EXD3: variants seen among roughly 807,000 people sequenced by gnomAD.
EXD3 encodes the protein exonuclease mut-7 homolog.
A neutral mutation model predicts 98.0 loss-of-function variants in EXD3; 92 were observed. The ratio of observed to expected loss-of-function variants is 0.94; its 90% CI spans 0.79 to 1.12. The LOEUF is 1.12. Among genes scored for constraint, EXD3 ranks in the 50% most tolerant of loss-of-function variants. The pLI is 0.00. For missense variants in EXD3, 1,222 were observed against 1,191.6 expected (o/e 1.03, Z -0.38); for synonymous variants, 569 against 526.0 (o/e 1.08, Z -1.12).
In EXD3 at chr9:137,373,631, G is replaced by C. The variant is rs779820905; in HGVS notation, c.121-32C>G. On this transcript the variant is annotated intron_variant, in intron 3 of 21. Transcript: ENST00000340951. ...AGACACAAAACCACACTGGCACTTTGTCTTGCACTCAAAGCCTCCTGGCAA... is the reference window on the plus strand; with the variant it reads ...AGACACAAAACCACACTGGCACTTTCTCTTGCACTCAAAGCCTCCTGGCAA... 72 of 1,564,286 alleles carry C rather than the reference G, an allele frequency of 4.6e-5. No homozygotes were observed. In the African/African-American group the frequency reaches 8.3e-4, roughly 18 times the overall value.
chr9:137,410,702 G>A (rs765714714), intron 1 of EXD3, among the ~76,000 whole-genome samples: 4 of 152,262 alleles, frequency 2.6e-5, no homozygotes, highest in African/African-American at 7.2e-5. Flanking sequence ...ACTGCACAAC[G>A]AGGAAGCCCC....
chr9:137,394,921 A>T (rs1837129672), intron 2 of EXD3, among the ~76,000 whole-genome samples: 1 of 152,040 alleles, frequency 6.6e-6, no homozygotes, highest in South Asian at 2.1e-4. Context: ...GGCGGCGCTA[A>T]GCCCCCAAGG....
intron 3 of EXD3, among the ~76,000 whole-genome samples, chr9:137,382,844 C>T (rs1221455120): frequency 1.3e-5 from 2 of 152,182 alleles, no homozygotes; most frequent in African/African-American, 4.8e-5. Flanking sequence ...TCTGCCCCCA[C>T]AGGGGGCCGG....
At chr9:137,309,570 GCCCCCCAGA>G in intron 20 of EXD3, 28 bp downstream of exon 20, 1 of 1,518,684 alleles carries the variant, frequency 6.6e-7, no homozygotes, top group South Asian at 1.2e-5. Flanking sequence ...CCCATCCCAG[GCCCCCCAGA>G]CCCAGTGCCT....
rs1265028199 is a variant in EXD3, at chr9:137,395,331, G to T, written c.27C>A (p.Asp9Glu). 2.5e-6 allele frequency: 4 copies of T among 1,613,338 alleles called. No homozygotes were observed. The highest frequency in any genetic ancestry group is 2.2e-5 in the East Asian group (1 of 44,876). The change falls in exon 2 of 22, where the codon GAC (aspartate) becomes GAA (glutamate). Residue 9 changes from aspartate to glutamate, a missense_variant. Asp to Glu is a conservative substitution (Grantham distance 45). Transcript: ENST00000340951. This position sits in a 1 kb window ranked among gnomAD's most constrained non-coding sequence, Gnocchi z 6.5. ...TGCGGTGGCGCTCGCCAGCGGCAGGGTCACCAGCGGGATCTCCTGGGTCCA... is the reference window on the plus strand; with the variant it reads ...TGCGGTGGCGCTCGCCAGCGGCAGGTTCACCAGCGGGATCTCCTGGGTCCA... MDPGDPAG[D>E]PAAGERHRMG...
chr9:137,348,426 G>A (rs1226912169), intron 16 of EXD3, among the ~76,000 whole-genome samples, 188 bp from the exon 17 acceptor site: 2 of 148,094 alleles, frequency 1.4e-5, no homozygotes, highest in South Asian at 4.4e-4. Flanking sequence ...CCCCTGGGGG[G>A]CTCTAGTGCT....
At chr9:137,402,029 G>A (rs1588427285) in intron 1 of EXD3, among the ~76,000 whole-genome samples, 2 of 152,136 alleles carry the variant, frequency 1.3e-5, no homozygotes, top group East Asian at 3.9e-4. Flanking sequence ...TTTTAGTTTT[G>A]TTTTTGAGAT....
chr9:137,363,515 T>C (rs1036363294), intron 7 of EXD3, among the ~76,000 whole-genome samples: 3 of 151,724 alleles, frequency 2.0e-5, no homozygotes, highest in Non-Finnish European at 2.9e-5. Context: ...TTTTCGTATT[T>C]TTAGTAGAGA....
rs1005627366 is a variant in EXD3 at position 137,354,895 on chromosome 9, C to T, written c.758-122G>A. The stretch of plus-strand genomic sequence containing the variant: ...GCCCCTTCACCGTCCTCCACCTCTG[C>T]CCCGGAGCCCACCCCCTCCTCACCA... On this transcript the variant is annotated intron_variant, in intron 8 of 21. Coordinates refer to ENST00000340951, the MANE Select transcript of EXD3 (RefSeq NM_017820.5). 31 of 969,000 alleles carry T rather than the reference C, an allele frequency of 3.2e-5. No individual in the cohort carries two copies. The South Asian group carries it at 3.4e-4, about 11-fold the overall frequency. 60.0% of individuals were successfully genotyped at this position (969,000 alleles called of 1,614,324 possible).
At chr9:137,367,907 T>C (rs370092359) in intron 6 of EXD3, 29 bp downstream of exon 6, 15 of 1,608,924 alleles carry the variant, frequency 9.3e-6, no homozygotes, top group Non-Finnish European at 1.1e-5. Flanking sequence ...AGTTTGAACC[T>C]AAACAATTTA....
intron 3 of EXD3, among the ~76,000 whole-genome samples, chr9:137,382,335 C>T (rs1836356558): frequency 6.7e-6 from 1 of 149,930 alleles, no homozygotes; most frequent in African/African-American, 2.5e-5. Flanking sequence ...GGACGAATGT[C>T]AGGACATAGG....
At position 137,349,291 on chromosome 9, in the gene EXD3, G is replaced by A. The variant is rs1298635614; in HGVS notation, c.1658-9C>T. The A allele has an allele frequency of 1.9e-6, 3 of 1,559,952 alleles. No individual in the cohort carries two copies. The highest frequency in any genetic ancestry group is 1.8e-5 in the Admixed American group (1 of 54,120). The stretch of plus-strand genomic sequence containing the variant: ...GCAGTAGGCGTCGGCAGCTGTGTGG[G>A]GAGTCGGCCTCAGCCTCCCGGGACA... On this transcript the variant is annotated splice_polypyrimidine_tract_variant and intron_variant, in intron 15 of 21. Coordinates refer to ENST00000340951, the MANE Select transcript of EXD3 (RefSeq NM_017820.5). The surrounding 1 kb of genome is among the most constrained non-coding windows in gnomAD (Gnocchi z 7.4).
chr9:137,364,119 T>C (rs191602026), intron 7 of EXD3, among the ~76,000 whole-genome samples: 4 of 152,268 alleles, frequency 2.6e-5, no homozygotes, highest in East Asian at 1.9e-4. Context: ...TAGGCATCAC[T>C]GTGGACTCGT....
In EXD3 at chr9:137,360,838, C is replaced by G. The variant is rs1279553893; in HGVS notation, c.657-4470G>C. Among the ~76,000 whole-genome samples the G allele has an allele frequency of 2.3e-5, 2 of 86,774 alleles. 1 individual carries two copies. Among genetic ancestry groups the G allele is most frequent in the Non-Finnish European group, 5.7e-5 (2 of 35,300 alleles). The allele number at this position is 86,774 out of a possible 152,430, so 56.9% of individuals were successfully genotyped here. On this transcript the variant is annotated intron_variant, in intron 7 of 21. Transcript: ENST00000340951. ...AAGAAATACAATTGGCTTTTATAAA[C>G]TTACCTTGTAACCAGTGATCTTGCT...
At chr9:137,378,812 G>C (rs923470415) in intron 3 of EXD3, among the ~76,000 whole-genome samples, 1 of 152,256 alleles carries the variant, frequency 6.6e-6, no homozygotes, top group East Asian at 1.9e-4. Flanking sequence ...GGCAGAAAGC[G>C]GGTGAGCAGT....
At chr9:137,354,262 A>G in intron 10 of EXD3, 77 bp downstream of exon 10, 2 of 1,574,300 alleles carry the variant, frequency 1.3e-6, no homozygotes, top group Admixed American at 3.7e-5. Context: ...CACTTCCACC[A>G]GGAGGCTCCG....
At chr9:137,364,291 G>A (rs182662350) in intron 7 of EXD3, among the ~76,000 whole-genome samples, 1 of 152,138 alleles carries the variant, frequency 6.6e-6, no homozygotes, top group Admixed American at 6.5e-5. Context: ...TTGCATCCAG[G>A]CCCTTTCAGA....
intron 1 of EXD3, among the ~76,000 whole-genome samples, chr9:137,408,597 G>GC (rs986709758): frequency 3.4e-5 from 5 of 146,474 alleles, no homozygotes; most frequent in Non-Finnish European, 7.5e-5. Flanking sequence ...AGCCCCTACG[G>GC]CCCCCACACC....
At chr9:137,372,006 G>A (rs1228206071) in intron 5 of EXD3, among the ~76,000 whole-genome samples, 1 of 152,178 alleles carries the variant, frequency 6.6e-6, no homozygotes, top group African/African-American at 2.4e-5. Flanking sequence ...ACGGGGCTGT[G>A]ATGCTAGACC....
Sources: allele counts gnomAD v4.1 joint callset (sites outside exome capture counted in the v4.1 genomes callset), GRCh38; gene constraint gnomAD v4.1.1; non-coding constraint Gnocchi (gnomAD v3.1); transcripts MANE v1.5; gene names NCBI Gene and HGNC (gene_info 2026-07-23, HGNC 2026-07-21).